ALDH1L1: variants seen among roughly 807,000 people sequenced by gnomAD.
The protein encoded by ALDH1L1 is cytosolic 10-formyltetrahydrofolate dehydrogenase.
Under a neutral mutation model 101.1 loss-of-function variants are expected in ALDH1L1, and 68 were observed. The ratio of observed to expected loss-of-function variants is 0.67; its 90% CI spans 0.55 to 0.82. The LOEUF is 0.82. Ranked by LOEUF, ALDH1L1 falls within the 40% of genes least tolerant of loss-of-function variation. The pLI is 0.00. For missense variants in ALDH1L1, 1,087 were observed against 1,172.7 expected, an observed-to-expected ratio of 0.93 and a Z score of 1.07; for synonymous variants, 486 against 470.8, an observed-to-expected ratio of 1.03 and a Z score of -0.42.
chr3:126,128,385 C>T (rs925314926), intron 14 of ALDH1L1: 2 of 152,226 alleles, frequency 1.3e-5, no homozygotes, highest in Admixed American at 6.5e-5. Context: ...ATCCAAACAA[C>T]TCAGTGAGGA....
At chr3:126,116,862 A>G (rs1042827549) in intron 17 of ALDH1L1, among the ~76,000 whole-genome samples, 7 of 148,030 alleles carry the variant, frequency 4.7e-5, no homozygotes, top group Admixed American at 1.3e-4. Flanking sequence ...GGCCCAGGTC[A>G]TATTGTGGTT....
chr3:126,158,444 G>C lies in ALDH1L1; in HGVS notation c.323C>G (p.Ser108Ter), dbSNP rs1251084072. 4 of 1,612,064 alleles carry C rather than the reference G, an allele frequency of 2.5e-6. No individual in the cohort carries two copies. In the East Asian group the frequency reaches 8.9e-5, roughly 36 times the overall value. ...GGCCCCTCGGTGCCTAGGGAGCAGT[G>C]ACGGGTGATAGATGATGGAGCCATG... ...PRHGSIIYHP[S>*]LLPRHRGASA... is the part of the protein sequence containing the mutation. The change falls in exon 3 of 23, where the codon TCA becomes TGA. Residue 108 changes from serine to a stop codon, truncating the protein, a stop_gained. Coordinates refer to ENST00000393434, the MANE Select transcript of ALDH1L1 (RefSeq NM_012190.4). LOFTEE classifies it high-confidence loss of function.
chr3:126,132,961 G>C (rs940842816), intron 12 of ALDH1L1, among the ~76,000 whole-genome samples: 1 of 152,204 alleles, frequency 6.6e-6, no homozygotes, highest in African/African-American at 2.4e-5. Context: ...GAGCCCATGC[G>C]TAAATCGGTT....
chr3:126,195,982 G>A (rs1326561628), intron 1 of ALDH1L1, among the ~76,000 whole-genome samples: 1 of 152,156 alleles, frequency 6.6e-6, no homozygotes, highest in Non-Finnish European at 1.5e-5. Context: ...GAAGAGGGGA[G>A]GGAAAGCATT....
At position 126,131,497 on chromosome 3, in the gene ALDH1L1, C is replaced by T. The variant is rs760032777; in HGVS notation, c.1510G>A (p.Ala504Thr). Residue 504 changes from alanine to threonine, a missense_variant, in exon 13 of 23, where the codon GCC becomes ACC. Physicochemically the swap from Ala to Thr is moderately conservative, Grantham distance 58 (BLOSUM62 0). Around this residue, in one of 2 missense-constraint regions of ALDH1L1, gnomAD observed 442 missense variants for 535.7 expected, o/e 0.83. Coordinates refer to ENST00000393434, the MANE Select transcript of ALDH1L1 (RefSeq NM_012190.4). ...DLMEQHQEEL[A>T]TIEALDAGAV... Reference sequence around the variant, plus strand: ...CCCGCATCCAGGGCCTCAATGGTGGCCAGCTCCTCCTGGTGCTGCTCCATG... The same window carrying T: ...CCCGCATCCAGGGCCTCAATGGTGGTCAGCTCCTCCTGGTGCTGCTCCATG... The T allele has an allele frequency of 6.2e-7, 1 of 1,612,900 alleles. No homozygotes were observed. Among genetic ancestry groups the T allele is most frequent in the South Asian group, 1.1e-5 (1 of 91,010 alleles).
chr3:126,131,459 C>G lies in ALDH1L1; in HGVS notation c.1548G>C (p.Thr516=), dbSNP rs201603474. The change falls in exon 13 of 23, where the codon ACG becomes ACC. Residue 516 remains threonine (T), a synonymous_variant. Transcript: ENST00000393434. ...IEALDAGAVY[T]LALKTHVGMS... ...TGCCCACGTGGGTCTTCAGGGCCAG[C>G]GTGTAGACGGCACCCGCATCCAGGG... 6.2e-7 allele frequency: 1 copy of G among 1,613,336 alleles called. No homozygotes were observed. The highest frequency in any genetic ancestry group is 1.3e-5 in the African/African-American group (1 of 74,940).
chr3:126,195,039 C>A (rs2081574577), intron 1 of ALDH1L1, among the ~76,000 whole-genome samples: 1 of 151,710 alleles, frequency 6.6e-6, no homozygotes, highest in Non-Finnish European at 1.5e-5. Context: ...ATGCGAGATC[C>A]TTTCCTATAT....
At chr3:126,122,519 A>G (rs985713862) in intron 16 of ALDH1L1, among the ~76,000 whole-genome samples, 13 of 152,248 alleles carry the variant, frequency 8.5e-5, no homozygotes, top group African/African-American at 2.4e-4. Flanking sequence ...CTTGTGAGTC[A>G]GATAACATAT....
chr3:126,112,043 C>T (rs530894640), intron 19 of ALDH1L1, among the ~76,000 whole-genome samples: 25 of 152,190 alleles, frequency 1.6e-4, no homozygotes, highest in Non-Finnish European at 3.2e-4. Flanking sequence ...CCCACCATAT[C>T]CGAGCTGCTT....
chr3:126,137,695 G>A (rs1559941526), intron 10 of ALDH1L1, 118 bp downstream of exon 10: 26 of 1,389,106 alleles, frequency 1.9e-5, no homozygotes, highest in Non-Finnish European at 2.5e-5. Context: ...ACTGAAGGGT[G>A]GGCTCCTGGG....
chr3:126,143,189 A>G (rs2080602732), intron 9 of ALDH1L1, among the ~76,000 whole-genome samples: 2 of 152,242 alleles, frequency 1.3e-5, no homozygotes. Context: ...GGGTACACAA[A>G]GCATAATTTC....
chr3:126,157,979 C>G (rs2080950653), intron 3 of ALDH1L1, among the ~76,000 whole-genome samples: 1 of 152,144 alleles, frequency 6.6e-6, no homozygotes, highest in East Asian at 1.9e-4. Context: ...TTTGCTCCAT[C>G]TTTATCTCTT....
chr3:126,148,723 A>T (rs1408553951), intron 8 of ALDH1L1, among the ~76,000 whole-genome samples: 1 of 149,712 alleles, frequency 6.7e-6, no homozygotes, highest in Non-Finnish European at 1.5e-5. Flanking sequence ...AGTTGTTATC[A>T]TGAATAAACA....
intron 4 of ALDH1L1, among the ~76,000 whole-genome samples, chr3:126,157,060 G>A (rs373366205): frequency 5.3e-5 from 8 of 152,118 alleles, no homozygotes; most frequent in Non-Finnish European, 1.0e-4. Context: ...CCCAGTCCCT[G>A]CCTTTAGCCT....
chr3:126,196,833 A>C (rs2081584205), intron 1 of ALDH1L1, among the ~76,000 whole-genome samples: 1 of 152,216 alleles, frequency 6.6e-6, no homozygotes, highest in Non-Finnish European at 1.5e-5. Context: ...CTTGGAATCA[A>C]ACCCAGGCCA....
chr3:126,162,195 G>A (rs2081072805), intron 1 of ALDH1L1, among the ~76,000 whole-genome samples: 1 of 152,148 alleles, frequency 6.6e-6, no homozygotes, highest in South Asian at 2.1e-4. Context: ...GGTCTTCATG[G>A]TACACATGTA....
chr3:126,134,336 A>G (rs2080377409), intron 12 of ALDH1L1, among the ~76,000 whole-genome samples: 1 of 152,212 alleles, frequency 6.6e-6, no homozygotes, highest in African/African-American at 2.4e-5. Flanking sequence ...ACCAGATGGC[A>G]GCAGAGGCCA....
At chr3:126,124,877 A>G (rs777868685) in intron 15 of ALDH1L1, among the ~76,000 whole-genome samples, 1 of 152,220 alleles carries the variant, frequency 6.6e-6, no homozygotes, top group African/African-American at 2.4e-5. Flanking sequence ...GGTAAATACT[A>G]TCAATGTCAG....
chr3:126,191,445 A>G lies in ALDH1L1; in HGVS notation c.-24+6290T>C, dbSNP rs553000316. Reference sequence around the variant, plus strand: ...GCCTGATTGCCATGTTCATGAATGAACAAGGTGAAAAGTTTAGTGCAATTT... The same window carrying G: ...GCCTGATTGCCATGTTCATGAATGAGCAAGGTGAAAAGTTTAGTGCAATTT... On this transcript the variant is annotated intron_variant, in intron 1 of 2. Transcript: ENST00000509952. Among the ~76,000 whole-genome samples the G allele has an allele frequency of 2.0e-5, 3 of 152,306 alleles. No individual in the cohort carries two copies. The South Asian group carries it at 6.2e-4, about 32-fold the overall frequency.
Sources: allele counts gnomAD v4.1 joint callset (sites outside exome capture counted in the v4.1 genomes callset), GRCh38; gene constraint gnomAD v4.1.1; regional missense constraint gnomAD v4.1.1; transcripts MANE v1.5; gene names NCBI Gene and HGNC (gene_info 2026-07-23, HGNC 2026-07-21).